The following ANXA8 variants were observed in gnomAD, a reference collection of about 807,000 sequenced individuals.
The protein encoded by ANXA8 is VAC-beta.
In ANXA8, 9 loss-of-function variants were observed where a neutral mutation model predicts 26.8. That is an observed-to-expected ratio of 0.34 (90% CI 0.20 to 0.59). The LOEUF (loss-of-function observed/expected upper bound fraction) is 0.59. Ranked by LOEUF, ANXA8 falls within the 20% of genes least tolerant of loss-of-function variation. The pLI is 0.84. For missense variants in ANXA8, 83 were observed against 238.5 expected (o/e 0.35, Z 4.29); for synonymous variants, 39 against 94.8 (o/e 0.41, Z 3.42).
At chr10:47,688,366 C>T in the ANXA8 span, among the ~76,000 whole-genome samples, 2 of 149,344 alleles carry the variant, frequency 1.3e-5, no homozygotes, top group African/African-American at 4.9e-5. Context: ...CCTCCCACCT[C>T]GGCCTCCCAA....
At chr10:47,521,293 TCAC>T in the ANXA8 span, among the ~76,000 whole-genome samples, 1 of 139,152 alleles carries the variant, frequency 7.2e-6, no homozygotes, top group Non-Finnish European at 1.5e-5. Flanking sequence ...TTTCCAAACA[TCAC>T]CAAGCAGAGT....
At chr10:47,952,077 A>T in the ANXA8 span, among the ~76,000 whole-genome samples, 57 of 150,734 alleles carry the variant, frequency 3.8e-4, 1 homozygote, top group African/African-American at 8.1e-4. Flanking sequence ...ACTTTTTTTT[A>T]AAAAAATAAA....
chr10:47,767,375 T>G, the ANXA8 span, among the ~76,000 whole-genome samples: 1 of 152,162 alleles, frequency 6.6e-6, no homozygotes, highest in Admixed American at 6.5e-5. Context: ...ACATGCTGGC[T>G]CCAAATTGTG....
At chr10:47,495,960 T>C in the ANXA8 span, among the ~76,000 whole-genome samples, 4 of 151,228 alleles carry the variant, frequency 2.6e-5, no homozygotes, top group East Asian at 7.8e-4. Context: ...AGTCCAGGGG[T>C]GTGGGATCTG....
chr10:47,470,022 G>T (rs2132389395), intron 11 of ANXA8, among the ~76,000 whole-genome samples: 1 of 151,726 alleles, frequency 6.6e-6, no homozygotes, highest in East Asian at 1.9e-4. Context: ...GGGATTACGG[G>T]TGTGGGCCAC....
At chr10:47,778,923 GATAT>G in the ANXA8 span, among the ~76,000 whole-genome samples, 1 of 151,266 alleles carries the variant, frequency 6.6e-6, no homozygotes, top group Non-Finnish European at 1.5e-5. Context: ...GATATGATAT[GATAT>G]GATATGATAT....
chr10:47,579,869 A>G, the ANXA8 span, among the ~76,000 whole-genome samples: 1 of 143,770 alleles, frequency 7.0e-6, no homozygotes, highest in Non-Finnish European at 1.5e-5. Context: ...AGATGTAACA[A>G]TTATAAACAC....
chr10:47,505,441 T>C, the ANXA8 span, among the ~76,000 whole-genome samples: 16 of 133,926 alleles, frequency 1.2e-4, 1 homozygote, highest in African/African-American at 3.8e-4. Flanking sequence ...TGTTGTTAAA[T>C]CTTGACATGT....
the ANXA8 span, among the ~76,000 whole-genome samples, chr10:47,918,381 GAGAGAA>G: frequency 2.3e-4 from 4 of 17,616 alleles, 1 homozygote; most frequent in African/African-American, 4.5e-4. Flanking sequence ...GAGAGAGAGA[GAGAGAA>G]AGAAAGAAAG....
chr10:47,674,291 C>A, the ANXA8 span, among the ~76,000 whole-genome samples: 1 of 150,928 alleles, frequency 6.6e-6, no homozygotes, highest in Non-Finnish European at 1.5e-5. Context: ...GCCACCACAC[C>A]TGGCTAATTT....
chr10:47,494,949 T>C, the ANXA8 span, among the ~76,000 whole-genome samples: 1 of 152,174 alleles, frequency 6.6e-6, no homozygotes, highest in South Asian at 2.1e-4. Context: ...TGTCCACAGA[T>C]CCCAAAGAGA....
the ANXA8 span, among the ~76,000 whole-genome samples, chr10:47,968,395 T>C: frequency 8.9e-5 from 13 of 145,858 alleles, no homozygotes; most frequent in Admixed American, 9.1e-4. Flanking sequence ...ATTTGAAGAC[T>C]CATTGTTGTA....
the ANXA8 span, among the ~76,000 whole-genome samples, chr10:47,755,532 G>C: frequency 6.7e-6 from 1 of 149,868 alleles, no homozygotes; most frequent in African/African-American, 2.5e-5. Context: ...TGGGATTACA[G>C]GTGTGAGCCA....
chr10:47,955,365 T>G, the ANXA8 span, among the ~76,000 whole-genome samples: 5 of 150,544 alleles, frequency 3.3e-5, no homozygotes, highest in South Asian at 6.3e-4. Flanking sequence ...TCAATGACAG[T>G]GATGCGTTCT....
At chr10:47,770,019 A>G in the ANXA8 span, among the ~76,000 whole-genome samples, 1 of 151,408 alleles carries the variant, frequency 6.6e-6, no homozygotes, top group South Asian at 2.1e-4. Flanking sequence ...AAGAAAGGGA[A>G]CAAGAAAAAG....
the ANXA8 span, among the ~76,000 whole-genome samples, chr10:47,639,325 T>TATA: frequency 7.7e-6 from 1 of 129,218 alleles, no homozygotes; most frequent in Non-Finnish European, 1.6e-5. Context: ...TTTTTTTTTT[T>TATA]TTTTTGAGAC....
the ANXA8 span, among the ~76,000 whole-genome samples, chr10:47,681,239 A>G: frequency 1.3e-5 from 2 of 151,858 alleles, no homozygotes; most frequent in Non-Finnish European, 2.9e-5. Context: ...GAGCACGGGG[A>G]AAAAGAAAGA....
chr10:47,673,368 G>A, the ANXA8 span, among the ~76,000 whole-genome samples: 16 of 151,708 alleles, frequency 1.1e-4, no homozygotes, highest in East Asian at 1.4e-3. Flanking sequence ...GCTGCAGGCA[G>A]GGGAAGAGCT....
At chr10:47,683,314 C>T in the ANXA8 span, among the ~76,000 whole-genome samples, 1 of 149,604 alleles carries the variant, frequency 6.7e-6, no homozygotes, top group African/African-American at 2.5e-5. Flanking sequence ...CTGCAAGCTC[C>T]GCCTCCCTGG....
Sources: gnomAD v4.1 joint callset for allele counts (sites outside exome capture counted in the v4.1 genomes callset) on GRCh38, gnomAD v4.1.1 for gene constraint, MANE v1.5 for transcripts, NCBI Gene and HGNC (gene_info 2026-07-23, HGNC 2026-07-21) for gene names.